The following STARD13 variants were observed in gnomAD, a reference collection of about 807,000 sequenced individuals.
STARD13 encodes stAR-related lipid transfer protein 13.
STARD13 carries 62 observed loss-of-function variants against 106.4 expected under a neutral mutation model. The ratio of observed to expected loss-of-function variants is 0.58; its 90% CI spans 0.48 to 0.72. The LOEUF is 0.72. Among genes scored for constraint, STARD13 ranks in the 30% least tolerant of loss-of-function variants. The probability of loss-of-function intolerance (pLI) is 0.00; values close to 1 mark genes in which losing one functional copy is unlikely to be tolerated. For missense variants in STARD13, 1,387 were observed against 1,424.0 expected, an observed-to-expected ratio of 0.97 and a Z score of 0.42; for synonymous variants, 565 against 553.0, an observed-to-expected ratio of 1.02 and a Z score of -0.31.
At chr13:33,626,264 A>G in the STARD13 span, among the ~76,000 whole-genome samples, 1 of 152,206 alleles carries the variant, frequency 6.6e-6, no homozygotes, top group Non-Finnish European at 1.5e-5. Flanking sequence ...CAAACTATCT[A>G]ATCTTTTTAT....
chr13:33,320,159 T>C (rs1285046779), intron 1 of STARD13, among the ~76,000 whole-genome samples: 1 of 152,222 alleles, frequency 6.6e-6, no homozygotes, highest in African/African-American at 2.4e-5. Context: ...AGATTGCAGA[T>C]AGAGATGTGT....
At chr13:33,128,526 A>T (rs990792211) in intron 5 of STARD13, among the ~76,000 whole-genome samples, 9 of 152,178 alleles carry the variant, frequency 5.9e-5, no homozygotes, top group Non-Finnish European at 1.3e-4. Context: ...TTCTTATAGG[A>T]GCAAAAAAAG....
chr13:33,548,831 G>C, the STARD13 span, among the ~76,000 whole-genome samples: 4 of 151,992 alleles, frequency 2.6e-5, no homozygotes, highest in Admixed American at 1.3e-4. Flanking sequence ...ATTTATTTTA[G>C]TTAAAAATTG....
downstream of STARD13, among the ~76,000 whole-genome samples, chr13:33,343,714 C>T (rs2077989220): frequency 6.6e-6 from 1 of 151,766 alleles, no homozygotes; most frequent in South Asian, 2.1e-4. Context: ...TCACTATCAC[C>T]CTAGTCCATG....
At chr13:33,564,206 C>CAAAAAAAAAAA in the STARD13 span, among the ~76,000 whole-genome samples, 1 of 53,866 alleles carries the variant, frequency 1.9e-5, no homozygotes, top group Non-Finnish European at 3.9e-5. Context: ...GACTGTATCT[C>CAAAAAAAAAAA]AAAAAAAAAA....
intron 1 of STARD13, among the ~76,000 whole-genome samples, chr13:33,245,662 C>G (rs1426476165): frequency 6.6e-6 from 1 of 152,242 alleles, no homozygotes; most frequent in Admixed American, 6.5e-5. Flanking sequence ...ATGATTGATT[C>G]TGAAATGGAG....
At chr13:33,552,055 G>T in the STARD13 span, among the ~76,000 whole-genome samples, 2,217 of 152,124 alleles carry the variant, frequency 0.015, 47 homozygotes, top group African/African-American at 0.05. Flanking sequence ...TTGAGACAAA[G>T]AGTACATTTC....
chr13:33,146,029 AT>A lies in STARD13; in HGVS notation c.324-3657del, dbSNP rs575512065. 5.9e-3 allele frequency among the ~76,000 whole-genome samples: 894 copies of A among 152,258 alleles called. 14 individuals are homozygous for A. Among genetic ancestry groups the A allele is most frequent in the African/African-American group, 0.02 (843 of 41,566 alleles). The stretch of plus-strand genomic sequence containing the variant: ...GAGAGGCCCTGTCGCTACAAAAAAA[AT>A]ATATAAAAATTAAGCCGGGTGTGGT... On this transcript the variant is annotated intron_variant, in intron 3 of 13. Transcript: ENST00000336934.
At chr13:33,464,918 T>C in the STARD13 span, among the ~76,000 whole-genome samples, 1 of 152,066 alleles carries the variant, frequency 6.6e-6, no homozygotes, top group African/African-American at 2.4e-5. Context: ...ACACTGCCAG[T>C]CCGGCAGGAA....
chr13:33,223,659 C>T (rs1186745469), intron 1 of STARD13, among the ~76,000 whole-genome samples: 1 of 141,830 alleles, frequency 7.1e-6, no homozygotes, highest in African/African-American at 2.5e-5. Flanking sequence ...AACTCCATCT[C>T]AATATATATA....
chr13:33,623,655 A>G, the STARD13 span, among the ~76,000 whole-genome samples: 1 of 152,106 alleles, frequency 6.6e-6, no homozygotes, highest in Non-Finnish European at 1.5e-5. Context: ...CTGTCTATAT[A>G]CTAAAAAGAC....
the STARD13 span, among the ~76,000 whole-genome samples, chr13:33,594,756 A>C: frequency 6.6e-6 from 1 of 152,220 alleles, no homozygotes; most frequent in Non-Finnish European, 1.5e-5. Context: ...TTTTATGAAC[A>C]GAATTATGCA....
intron 3 of STARD13, among the ~76,000 whole-genome samples, chr13:33,151,179 G>A: frequency 6.6e-6 from 1 of 152,078 alleles, no homozygotes. Context: ...TCCAGGAATT[G>A]CAAATATATG....
intron 3 of STARD13, among the ~76,000 whole-genome samples, 162 bp downstream of exon 3, chr13:33,165,175 T>G (rs1883176685): frequency 2.0e-5 from 3 of 152,174 alleles, no homozygotes; most frequent in Admixed American, 6.5e-5. Flanking sequence ...CACAAACTGA[T>G]CATGCTCATT....
Position 33,105,567 on chromosome 13 carries a change from G to T in STARD13, c.*26C>A. ...TCGTCACTTTAGCTTCCTCTTCCCT[G>T]AGTTTGATGTCACACTGGGCAAAAC... On this transcript the variant is annotated 3_prime_UTR_variant, in exon 14 of 14. Coordinates refer to ENST00000336934, the MANE Select transcript of STARD13 (RefSeq NM_178006.4). 6.6e-7 allele frequency: 1 copy of T among 1,505,420 alleles called. No homozygotes were observed. The highest frequency in any genetic ancestry group is 9.3e-7 in the Non-Finnish European group (1 of 1,080,806). The allele number at this position is 1,505,420 out of a possible 1,614,324, so 93.3% of individuals were successfully genotyped here. A position where few individuals can be genotyped will look rare whatever the true frequency, so the allele number is the denominator to read the frequency against.
intron 1 of STARD13, among the ~76,000 whole-genome samples, chr13:33,261,000 G>A (rs576408389): frequency 6.6e-6 from 1 of 152,146 alleles, no homozygotes; most frequent in Non-Finnish European, 1.5e-5. Flanking sequence ...AGTCCCTATA[G>A]GGCAATAACT....
chr13:33,112,621 C>G, intron 9 of STARD13, 100 bp downstream of exon 9: 1 of 935,422 alleles, frequency 1.1e-6, no homozygotes, highest in Non-Finnish European at 1.6e-6. Context: ...ACCAATATAT[C>G]CATTCGTATC....
chr13:33,350,589 G>A (rs2078067610), exon 1 of STARD13: 1 of 1,387,556 alleles, frequency 7.2e-7, no homozygotes, highest in Non-Finnish European at 9.3e-7. Flanking sequence ...CACGCGCGAG[G>A]ACCGGGATGC....
At chr13:33,213,724 G>T (rs1887861479) in intron 1 of STARD13, among the ~76,000 whole-genome samples, 1 of 152,186 alleles carries the variant, frequency 6.6e-6, no homozygotes, top group Non-Finnish European at 1.5e-5. Flanking sequence ...CTGTTCTTCA[G>T]GATTGATTAC....
Sources: gnomAD v4.1 joint callset for allele counts (sites outside exome capture counted in the v4.1 genomes callset) on GRCh38, gnomAD v4.1.1 for gene constraint, MANE v1.5 for transcripts, NCBI Gene and HGNC (gene_info 2026-07-23, HGNC 2026-07-21) for gene names.